Variants in FAM3C observed in about 807,000 individuals in gnomAD.
FAM3C encodes FAM3 metabolism regulating signaling molecule C, also known as protein FAM3C.
FAM3C carries 15 observed loss-of-function variants against 32.5 expected under a neutral mutation model. That is an observed-to-expected ratio of 0.46 (90% CI 0.31 to 0.71). The LOEUF (loss-of-function observed/expected upper bound fraction) is 0.71, where lower values mean the gene tolerates loss of function less well. Ranked by LOEUF, FAM3C falls within the 30% of genes least tolerant of loss-of-function variation. The pLI is 0.05. For synonymous variants in FAM3C, 75 were observed against 86.1 expected, an observed-to-expected ratio of 0.87 and a Z score of 0.72; for missense variants, 175 against 274.4, an observed-to-expected ratio of 0.64 and a Z score of 2.56.
At chr7:121,353,956 A>C (rs1332319604) in intron 8 of FAM3C, among the ~76,000 whole-genome samples, 3 of 152,236 alleles carry the variant, frequency 2.0e-5, no homozygotes, top group Non-Finnish European at 1.5e-5. Flanking sequence ...TCTAACACAT[A>C]GCCCTGTGTA....
intron 7 of FAM3C, 135 bp downstream of exon 7, chr7:121,362,762 T>C (rs1383824448): frequency 1.6e-6 from 1 of 642,412 alleles, no homozygotes; most frequent in Non-Finnish European, 2.8e-6. Flanking sequence ...GCTGGACATT[T>C]AGTGAACAGA....
At position 121,364,185 on chromosome 7, in the gene FAM3C, T is replaced by G. The variant is rs183636336; in HGVS notation, c.276A>C (p.Leu92Phe). 1.4e-5 allele frequency: 22 copies of G among 1,576,162 alleles called. No individual in the cohort carries two copies. The African/African-American group carries it at 3.0e-4, about 21-fold the overall frequency. ...GPKICLEDNV[L>F]MSGVKNNVGR... ...CAACATTATTCTTAACACCACTCAT[T>G]AAACTGAAGGGGGAGAAATTGAAAT... The change falls in exon 6 of 10, where the codon TTA becomes TTC. Residue 92 changes from leucine to phenylalanine, a missense_variant. Coordinates refer to ENST00000359943, the MANE Select transcript of FAM3C (RefSeq NM_014888.3).
intron 3 of FAM3C, among the ~76,000 whole-genome samples, chr7:121,375,148 T>C (rs988438072): frequency 2.6e-4 from 40 of 152,066 alleles, no homozygotes; most frequent in Non-Finnish European, 5.3e-4. Flanking sequence ...CAGTGCCAAA[T>C]TGAAATATAA....
In FAM3C at chr7:121,379,025, G is replaced by C; in HGVS notation, c.14-11C>G. On this transcript the variant is annotated splice_polypyrimidine_tract_variant and intron_variant, in intron 2 of 9. Coordinates refer to ENST00000359943, the MANE Select transcript of FAM3C (RefSeq NM_014888.3). ...CCAACTTTGCAGCACCTAAAAGGCA[G>C]AAGTATTTCAGCATAACTTTGTAAG... The C allele has an allele frequency of 6.9e-7, 1 of 1,443,710 alleles. No homozygotes were observed. Among genetic ancestry groups the C allele is most frequent in the Non-Finnish European group, 9.5e-7 (1 of 1,056,926 alleles). 89.4% of individuals were successfully genotyped at this position (1,443,710 alleles called of 1,614,324 possible). A position where few individuals can be genotyped will look rare whatever the true frequency, so the allele number is the denominator to read the frequency against.
At chr7:121,364,745 C>T (rs1282775554) in intron 5 of FAM3C, among the ~76,000 whole-genome samples, 1 of 152,104 alleles carries the variant, frequency 6.6e-6, no homozygotes, top group African/African-American at 2.4e-5. Flanking sequence ...GAATGACAGT[C>T]ACTTACGTGG....
At chr7:121,390,307 T>C (rs945723546) in intron 1 of FAM3C, among the ~76,000 whole-genome samples, 1 of 152,244 alleles carries the variant, frequency 6.6e-6, no homozygotes, top group Non-Finnish European at 1.5e-5. Flanking sequence ...TGCAAAATTA[T>C]AACTGAAATG....
At chr7:121,387,782 G>A (rs1794492642) in intron 1 of FAM3C, among the ~76,000 whole-genome samples, 1 of 152,010 alleles carries the variant, frequency 6.6e-6, no homozygotes, top group African/African-American at 2.4e-5. Flanking sequence ...GTGTTTATAT[G>A]GGATTATTTT....
intron 5 of FAM3C, among the ~76,000 whole-genome samples, chr7:121,367,305 T>C (rs1335430282): frequency 2.6e-5 from 4 of 152,246 alleles, no homozygotes; most frequent in Non-Finnish European, 5.9e-5. Context: ...TATTAGTTAT[T>C]ATCTCTTAAG....
At chr7:121,352,270 C>A (rs944361441) in intron 8 of FAM3C, among the ~76,000 whole-genome samples, 4 of 152,098 alleles carry the variant, frequency 2.6e-5, no homozygotes, top group African/African-American at 7.2e-5. Flanking sequence ...GAAAGAAACA[C>A]TACATAGAAC....
chr7:121,352,885 C>G (rs977147564), intron 8 of FAM3C, among the ~76,000 whole-genome samples: 2 of 152,142 alleles, frequency 1.3e-5, no homozygotes. Flanking sequence ...TTTCTAACTA[C>G]CTTATGGAAG....
At chr7:121,351,900 T>G (rs1361304806) in intron 8 of FAM3C, among the ~76,000 whole-genome samples, 1 of 152,174 alleles carries the variant, frequency 6.6e-6, no homozygotes, top group Non-Finnish European at 1.5e-5. Flanking sequence ...AACTACTAAT[T>G]GAAAGATGTC....
chr7:121,393,854 T>C (rs144292026), intron 1 of FAM3C, among the ~76,000 whole-genome samples: 298 of 151,614 alleles, frequency 2.0e-3, no homozygotes, highest in African/African-American at 6.9e-3. Flanking sequence ...AATAACTAAA[T>C]ACAGAATCAA....
At chr7:121,359,029 G>A (rs75455994) in intron 8 of FAM3C, among the ~76,000 whole-genome samples, 1 of 151,062 alleles carries the variant, frequency 6.6e-6, no homozygotes, top group Non-Finnish European at 1.5e-5. Flanking sequence ...AATAATAAAG[G>A]CATATTAAAA....
intron 1 of FAM3C, among the ~76,000 whole-genome samples, chr7:121,385,436 G>A (rs187559392): frequency 5.9e-5 from 9 of 152,282 alleles, no homozygotes; most frequent in Admixed American, 5.9e-4. Context: ...CCACCACAAT[G>A]TCGCTGGACA....
At chr7:121,395,141 TTA>T (rs1794658296) in intron 1 of FAM3C, among the ~76,000 whole-genome samples, 1 of 152,018 alleles carries the variant, frequency 6.6e-6, no homozygotes, top group Non-Finnish European at 1.5e-5. Context: ...CTAATATTAT[TTA>T]TGTCATTGTA....
intron 5 of FAM3C, among the ~76,000 whole-genome samples, chr7:121,369,585 C>G (rs1264511132): frequency 6.6e-6 from 1 of 152,200 alleles, no homozygotes; most frequent in Non-Finnish European, 1.5e-5. Context: ...GCCCACCATG[C>G]TAGAAGCAAA....
chr7:121,386,580 G>A (rs931883588), intron 1 of FAM3C, among the ~76,000 whole-genome samples: 4 of 150,542 alleles, frequency 2.7e-5, no homozygotes, highest in Admixed American at 6.6e-5. Context: ...ACACAAACAC[G>A]CACATACAAA....
At chr7:121,350,586 AC>A in intron 9 of FAM3C, 36 bp from the exon 10 acceptor site, 1 of 1,596,806 alleles carries the variant, frequency 6.3e-7, no homozygotes, top group Non-Finnish European at 8.6e-7. Flanking sequence ...AGTTTAAAAA[AC>A]CGTTGTAAAC....
At chr7:121,395,071 G>A (rs1794656945) in intron 1 of FAM3C, among the ~76,000 whole-genome samples, 1 of 152,130 alleles carries the variant, frequency 6.6e-6, no homozygotes, top group African/African-American at 2.4e-5. Flanking sequence ...TCACTGAGCT[G>A]TTGTGAGAAT....
Sources: allele counts gnomAD v4.1 joint callset (sites outside exome capture counted in the v4.1 genomes callset), GRCh38; gene constraint gnomAD v4.1.1; transcripts MANE v1.5; gene names NCBI Gene and HGNC (gene_info 2026-07-23, HGNC 2026-07-21).